ZNF90: variants seen among roughly 807,000 people sequenced by gnomAD.
ZNF90 encodes zinc finger protein HTF9.
A neutral mutation model predicts 12.0 loss-of-function variants in ZNF90; 11 were observed. The ratio of observed to expected loss-of-function variants is 0.92; its 90% CI spans 0.58 to 1.52. ZNF90 has a LOEUF of 1.52. Among genes scored for constraint, ZNF90 ranks in the 40% most tolerant of loss-of-function variants. The probability of loss-of-function intolerance (pLI) is 0.00; values close to 1 mark genes in which losing one functional copy is unlikely to be tolerated. For missense variants in ZNF90, 765 were observed against 711.5 expected, an observed-to-expected ratio of 1.08 and a Z score of -0.86; for synonymous variants, 232 against 240.1, an observed-to-expected ratio of 0.97 and a Z score of 0.31.
intron 1 of ZNF90, chr19:20,080,303 G>A: frequency 1.5e-5 from 8 of 546,558 alleles, no homozygotes; most frequent in South Asian, 9.1e-5. Context: ...TAGACAACAT[G>A]GACGATCCTT....
intron 3 of ZNF90, among the ~76,000 whole-genome samples, chr19:20,113,655 C>A (rs1232236109): frequency 6.6e-6 from 1 of 151,860 alleles, no homozygotes; most frequent in Non-Finnish European, 1.5e-5. Context: ...CGGTGAAACC[C>A]GTCTGTACTA....
intron 1 of ZNF90, among the ~76,000 whole-genome samples, chr19:20,099,443 G>A (rs1177031319): frequency 6.6e-6 from 1 of 152,180 alleles, no homozygotes; most frequent in Non-Finnish European, 1.5e-5. Flanking sequence ...CACATGGGAG[G>A]AACGGTCTAT....
intron 1 of ZNF90, among the ~76,000 whole-genome samples, chr19:20,090,417 T>C (rs1254792691): frequency 6.6e-6 from 1 of 151,998 alleles, no homozygotes; most frequent in Admixed American, 6.5e-5. Flanking sequence ...GGAGAGTACT[T>C]GTGACTTCTA....
At chr19:20,084,260 T>G (rs1016221270) in intron 1 of ZNF90, among the ~76,000 whole-genome samples, 3 of 152,044 alleles carry the variant, frequency 2.0e-5, no homozygotes, top group Non-Finnish European at 2.9e-5. Flanking sequence ...TTTCACCATA[T>G]TGGTCAGGCT....
At chr19:20,083,431 G>A (rs10413571) in intron 1 of ZNF90, among the ~76,000 whole-genome samples, 4,695 of 151,922 alleles carry the variant, frequency 0.031, 245 homozygotes, top group African/African-American at 0.11. Context: ...GGGTTCTAGC[G>A]ATTCTCCTGC....
rs1017388703 is a variant in ZNF90 at position 20,118,021 on chromosome 19, T to G, written c.467T>G (p.Ile156Arg). The change falls in exon 4 of 4, where the codon ATA becomes AGA. Residue 156 changes from isoleucine (I) to arginine (R), a missense_variant. Physicochemically the swap from Ile to Arg is moderately conservative, Grantham distance 97 (BLOSUM62 -3). Coordinates refer to ENST00000418063, the MANE Select transcript of ZNF90 (RefSeq NM_007138.2). Reference sequence around the variant, plus strand: ...GATACATATGTGAAAGTCTCTCATATATTTTCAAATTCAAACAGACATAAG... The same window carrying G: ...GATACATATGTGAAAGTCTCTCATAGATTTTCAAATTCAAACAGACATAAG... The part of the protein sequence containing the change: ...QCDTYVKVSH[I>R]FSNSNRHKIR... 6.2e-7 allele frequency: 1 copy of G among 1,612,134 alleles called. No individual in the cohort carries two copies. Among genetic ancestry groups the G allele is most frequent in the Non-Finnish European group, 8.5e-7 (1 of 1,179,032 alleles).
chr19:20,116,775 A>T (rs1457771397), intron 3 of ZNF90, among the ~76,000 whole-genome samples: 4 of 152,004 alleles, frequency 2.6e-5, no homozygotes, highest in Non-Finnish European at 5.9e-5. Context: ...ATAATCAGTA[A>T]TCACTTGCTG....
At chr19:20,093,642 AGT>A (rs1555702974) in intron 1 of ZNF90, among the ~76,000 whole-genome samples, 1 of 152,038 alleles carries the variant, frequency 6.6e-6, no homozygotes, top group African/African-American at 2.4e-5. Flanking sequence ...TGCATAAAAG[AGT>A]GTTGTCCAAG....
chr19:20,087,823 T>A (rs2122481122), intron 1 of ZNF90, among the ~76,000 whole-genome samples: 1 of 152,080 alleles, frequency 6.6e-6, no homozygotes, highest in Admixed American at 6.5e-5. Flanking sequence ...TTTTATAGGA[T>A]TTCGGTAGGT....
intron 3 of ZNF90, among the ~76,000 whole-genome samples, chr19:20,113,177 TA>T (rs2089104760): frequency 6.6e-6 from 1 of 152,000 alleles, no homozygotes; most frequent in African/African-American, 2.4e-5. Flanking sequence ...AACGGTTTTT[TA>T]TTTTTTTTTC....
At chr19:20,107,093 TGTGG>T (rs1340430599) in intron 3 of ZNF90, 5 of 436,756 alleles carry the variant, frequency 1.1e-5, no homozygotes, top group African/African-American at 1.0e-4. Flanking sequence ...CAGGTAACTG[TGTGG>T]GTTTCTATGT....
chr19:20,118,184 C>T lies in ZNF90; in HGVS notation c.630C>T (p.Phe210=), dbSNP rs782801528. ...TCKCEECGKA[F]NRSSHLTSHK... Reference sequence around the variant, plus strand: ...AATGTGAAGAATGTGGCAAAGCCTTCAACAGGTCCTCACACCTTACTTCAC... The same window carrying T: ...AATGTGAAGAATGTGGCAAAGCCTTTAACAGGTCCTCACACCTTACTTCAC... The change falls in exon 4 of 4, where the codon TTC becomes TTT. Residue 210 remains phenylalanine, a synonymous_variant. Coordinates refer to ENST00000418063, the MANE Select transcript of ZNF90 (RefSeq NM_007138.2). 9.3e-6 allele frequency: 15 copies of T among 1,612,372 alleles called. No individual in the cohort carries two copies. The highest frequency in any genetic ancestry group is 4.0e-5 in the African/African-American group (3 of 74,822).
chr19:20,110,058 T>A (rs1341842720), intron 3 of ZNF90, among the ~76,000 whole-genome samples: 1 of 152,224 alleles, frequency 6.6e-6, no homozygotes, highest in Non-Finnish European at 1.5e-5. Context: ...ATTTTGTTAC[T>A]GTATTAATTC....
intron 3 of ZNF90, among the ~76,000 whole-genome samples, chr19:20,113,710 C>T (rs1555705392): frequency 6.6e-6 from 1 of 151,974 alleles, no homozygotes; most frequent in East Asian, 2.0e-4. Flanking sequence ...CGCTTATAGT[C>T]CCAGCTACTA....
Position 20,078,186 on chromosome 19 carries a change from C to A in ZNF90, c.3+51C>A, listed in dbSNP as rs1487372128. The A allele has an allele frequency of 5.0e-6, 8 of 1,612,484 alleles. No individual in the cohort carries two copies. The Admixed American group carries it at 1.3e-4, about 27-fold the overall frequency. On this transcript the variant is annotated intron_variant, in intron 1 of 3. Transcript: ENST00000418063. ...AGAGAGGGGAGGGACTGGTTGGAAC[C>A]GATGGGAAGTGGCTGTGGCGGGACT...
At chr19:20,117,165 C>T (rs1025166697) in intron 3 of ZNF90, among the ~76,000 whole-genome samples, 7 of 151,726 alleles carry the variant, frequency 4.6e-5, no homozygotes, top group Admixed American at 1.3e-4. Context: ...GCCTAAGCCT[C>T]CCAAGTAGCT....
chr19:20,113,638 G>C (rs1463148567), intron 3 of ZNF90, among the ~76,000 whole-genome samples: 2 of 152,066 alleles, frequency 1.3e-5, no homozygotes, highest in Non-Finnish European at 2.9e-5. Flanking sequence ...GACCATCCTG[G>C]CTAACACGGT....
chr19:20,090,223 A>C (rs2088891807), intron 1 of ZNF90, among the ~76,000 whole-genome samples: 1 of 152,124 alleles, frequency 6.6e-6, no homozygotes, highest in Non-Finnish European at 1.5e-5. Context: ...GATAGTAGGG[A>C]TGACTAGTTT....
intron 1 of ZNF90, among the ~76,000 whole-genome samples, chr19:20,099,491 A>G (rs2088973267): frequency 6.6e-6 from 1 of 152,230 alleles, no homozygotes; most frequent in Admixed American, 6.5e-5. Flanking sequence ...AGGTCAGCTC[A>G]GACTTTTGTA....
Sources: allele counts gnomAD v4.1 joint callset (sites outside exome capture counted in the v4.1 genomes callset), GRCh38; gene constraint gnomAD v4.1.1; transcripts MANE v1.5; gene names NCBI Gene and HGNC (gene_info 2026-07-23, HGNC 2026-07-21).